The following DGKH variants were observed in gnomAD, a reference collection of about 807,000 sequenced individuals.
DGKH encodes the protein DAG kinase eta.
A neutral mutation model predicts 159.3 loss-of-function variants in DGKH; 90 were observed. The observed-to-expected ratio is 0.57, with a 90% CI of 0.48 to 0.67. The LOEUF is 0.67. Ranked by LOEUF, DGKH falls within the 30% of genes least tolerant of loss-of-function variation. DGKH has a pLI of 0.00. For missense variants in DGKH, 1,181 were observed against 1,506.1 expected, an observed-to-expected ratio of 0.78 and a Z score of 3.57; for synonymous variants, 536 against 553.8, an observed-to-expected ratio of 0.97 and a Z score of 0.45.
chr13:42,210,543 A>G, intron 23 of DGKH, 59 bp from the exon 24 acceptor site: 3 of 1,517,362 alleles, frequency 2.0e-6, no homozygotes, highest in Non-Finnish European at 2.7e-6. Flanking sequence ...TAAAGCACAC[A>G]TTTACATGGA....
chr13:42,167,006 GAT>G (rs1379033751), intron 9 of DGKH, among the ~76,000 whole-genome samples: 1 of 152,140 alleles, frequency 6.6e-6, no homozygotes, highest in Non-Finnish European at 1.5e-5. Context: ...ATGGAAGGCT[GAT>G]ATTGATTTAC....
At chr13:42,041,439 T>C (rs1593937182) in intron 1 of DGKH, among the ~76,000 whole-genome samples, 1 of 152,086 alleles carries the variant, frequency 6.6e-6, no homozygotes, top group Non-Finnish European at 1.5e-5. Flanking sequence ...GTCTGGAGGG[T>C]GCAACGGGTT....
At chr13:42,183,156 G>A (rs1355136921) in intron 13 of DGKH, among the ~76,000 whole-genome samples, 1 of 152,116 alleles carries the variant, frequency 6.6e-6, no homozygotes, top group African/African-American at 2.4e-5. Flanking sequence ...GGGTGTGGTG[G>A]TATGTGCCTG....
chr13:42,178,065 TG>T lies in DGKH; in HGVS notation c.1453-68del, dbSNP rs1272230512. ...CATATGTCATGAAGGGTTCCATTTC[TG>T]GAGCAGCAATAAGTGAGTTGTATAA... On this transcript the variant is annotated intron_variant, in intron 12 of 29. Coordinates refer to ENST00000337343, the MANE Select transcript of DGKH (RefSeq NM_178009.5). 6 of 1,177,672 alleles carry T rather than the reference TG, an allele frequency of 5.1e-6. No individual in the cohort carries two copies. The African/African-American group carries it at 9.1e-5, about 18-fold the overall frequency. The allele number at this position is 1,177,672 out of a possible 1,614,324, so 73.0% of individuals were successfully genotyped here. A position where few individuals can be genotyped will look rare whatever the true frequency, so the allele number is the denominator to read the frequency against.
At position 42,160,142 on chromosome 13, in the gene DGKH, G is replaced by C. The variant is rs1956145446; in HGVS notation, c.855+6G>C. 1.9e-6 allele frequency: 3 copies of C among 1,614,162 alleles called. No individual in the cohort carries two copies. Among genetic ancestry groups the C allele is most frequent in the African/African-American group, 2.7e-5 (2 of 75,014 alleles). On this transcript the variant is annotated splice_donor_region_variant and intron_variant, in intron 7 of 29. Coordinates refer to ENST00000337343, the MANE Select transcript of DGKH (RefSeq NM_178009.5). ...GCCTTTGGTGTAAGACAATGGTGAG[G>C]GTTTTGGAATCAGTTCATCCTTTTT...
chr13:42,117,756 T>C (rs1465734019), intron 1 of DGKH, among the ~76,000 whole-genome samples: 1 of 152,196 alleles, frequency 6.6e-6, no homozygotes, highest in African/African-American at 2.4e-5. Flanking sequence ...ACATAAATTA[T>C]TTGCTTTGAA....
intron 1 of DGKH, among the ~76,000 whole-genome samples, chr13:42,121,743 G>T (rs1263527008): frequency 1.3e-5 from 2 of 152,210 alleles, no homozygotes; most frequent in Non-Finnish European, 2.9e-5. Context: ...ATAGCATGGG[G>T]ACTTAAGCGT....
intron 1 of DGKH, chr13:42,070,045 CTG>C: frequency 1.1e-6 from 1 of 919,024 alleles, no homozygotes; most frequent in Non-Finnish European, 1.8e-6. Flanking sequence ...ATAAATGTGA[CTG>C]TGAGTTTCAT....
At chr13:42,132,877 A>AT (rs1014516277) in intron 3 of DGKH, among the ~76,000 whole-genome samples, 4 of 151,616 alleles carry the variant, frequency 2.6e-5, no homozygotes, top group African/African-American at 9.7e-5. Context: ...TCTAAAAAAA[A>AT]TTTTTTTTTG....
chr13:42,167,564 G>A (rs546426671), intron 9 of DGKH, among the ~76,000 whole-genome samples: 1 of 151,996 alleles, frequency 6.6e-6, no homozygotes, highest in African/African-American at 2.4e-5. Flanking sequence ...TAAGTCTCAG[G>A]CCCTTCTGGT....
chr13:42,097,676 T>A (rs1954568532), intron 1 of DGKH, among the ~76,000 whole-genome samples: 1 of 152,328 alleles, frequency 6.6e-6, no homozygotes, highest in South Asian at 2.1e-4. Flanking sequence ...TTTTTGGGTC[T>A]TCTATTCCAG....
intron 3 of DGKH, among the ~76,000 whole-genome samples, chr13:42,154,252 A>G (rs1307652397): frequency 1.3e-5 from 2 of 152,238 alleles, no homozygotes; most frequent in Admixed American, 6.5e-5. Flanking sequence ...TTGGTATATA[A>G]ATAGGTATGT....
chr13:42,172,743 G>A (rs950430897), intron 11 of DGKH, among the ~76,000 whole-genome samples: 27 of 150,276 alleles, frequency 1.8e-4, no homozygotes, highest in African/African-American at 5.9e-4. Context: ...GCATGATCTT[G>A]GCTCACTGCA....
Position 42,071,043 on chromosome 13 carries a change from A to C in DGKH, c.192+22078A>C, listed in dbSNP as rs145037397. 4.5e-5 allele frequency: 56 copies of C among 1,241,180 alleles called. No individual in the cohort carries two copies. In the African/African-American group the frequency reaches 7.1e-4, roughly 16 times the overall value. 76.9% of individuals were successfully genotyped at this position (1,241,180 alleles called of 1,614,324 possible). A position where few individuals can be genotyped will look rare whatever the true frequency, so the allele number is the denominator to read the frequency against. ...GTGGTTTTAAGTCCATATACGTAGA[A>C]TCCAGATCAAAACCATGAATGTTCA... On this transcript the variant is annotated intron_variant, in intron 1 of 29. Coordinates refer to ENST00000337343, the MANE Select transcript of DGKH (RefSeq NM_178009.5).
chr13:42,156,035 AT>A (rs1956035829), intron 5 of DGKH, among the ~76,000 whole-genome samples: 1 of 152,140 alleles, frequency 6.6e-6, no homozygotes, highest in South Asian at 2.1e-4. Flanking sequence ...TGGACTTTGT[AT>A]AATCATTCTG....
At chr13:42,090,415 G>A (rs1464964240) in intron 1 of DGKH, among the ~76,000 whole-genome samples, 1 of 152,082 alleles carries the variant, frequency 6.6e-6, no homozygotes, top group Non-Finnish European at 1.5e-5. Flanking sequence ...TAAATTTCAT[G>A]TAGAATCTCA....
chr13:42,101,114 C>T (rs1954644403), intron 1 of DGKH, among the ~76,000 whole-genome samples: 1 of 152,198 alleles, frequency 6.6e-6, no homozygotes, highest in African/African-American at 2.4e-5. Context: ...TCTAGCATGG[C>T]CATTCTCTTC....
chr13:42,133,645 A>G (rs548018733), intron 3 of DGKH, among the ~76,000 whole-genome samples: 83 of 152,210 alleles, frequency 5.5e-4, no homozygotes, highest in Non-Finnish European at 9.1e-4. Context: ...GCAGTGAGCT[A>G]TGATTGCACC....
intron 1 of DGKH, among the ~76,000 whole-genome samples, chr13:42,074,463 T>G (rs1883171602): frequency 6.6e-6 from 1 of 152,200 alleles, no homozygotes; most frequent in African/African-American, 2.4e-5. Context: ...AAGGAAATAT[T>G]TGCAAACTTT....
Sources: gnomAD v4.1 joint callset for allele counts (sites outside exome capture counted in the v4.1 genomes callset) on GRCh38, gnomAD v4.1.1 for gene constraint, MANE v1.5 for transcripts, NCBI Gene and HGNC (gene_info 2026-07-23, HGNC 2026-07-21) for gene names.